Variants in RBM33 observed in about 807,000 individuals in gnomAD.
RBM33 encodes RNA-binding protein 33.
In RBM33, 28 loss-of-function variants were observed where a neutral mutation model predicts 132.6. The observed-to-expected ratio is 0.21, with a 90% CI of 0.16 to 0.29. The LOEUF (loss-of-function observed/expected upper bound fraction) is 0.29, where lower values mean the gene tolerates loss of function less well. Ranked by LOEUF, RBM33 falls within the 10% of genes least tolerant of loss-of-function variation. RBM33 has a pLI of 1.00. For missense variants in RBM33, 1,291 were observed against 1,518.5 expected (o/e 0.85, Z 2.49); for synonymous variants, 634 against 593.0 (o/e 1.07, Z -1.01).
rs1252425675 is a variant in RBM33, at chr7:155,693,873, G to A, written c.568-6900G>A. 3.3e-5 allele frequency among the ~76,000 whole-genome samples: 5 copies of A among 152,266 alleles called. No individual in the cohort carries two copies. The East Asian group carries it at 9.6e-4, about 29-fold the overall frequency. On this transcript the variant is annotated intron_variant, in intron 5 of 17. Transcript: ENST00000401878. Reference sequence around the variant, plus strand: ...TAGGATTTGGTTTTGGAGGGCTTGTGATCCATCTTTTTTAGAAGTCTAAAT... The same window carrying A: ...TAGGATTTGGTTTTGGAGGGCTTGTAATCCATCTTTTTTAGAAGTCTAAAT...
chr7:155,692,701 T>C (rs996465131), intron 5 of RBM33, among the ~76,000 whole-genome samples: 1 of 152,214 alleles, frequency 6.6e-6, no homozygotes, highest in Non-Finnish European at 1.5e-5. Context: ...CGTGAAATGG[T>C]GGCCAACTAA....
At chr7:155,716,249 G>A (rs1197790493) in intron 8 of RBM33, among the ~76,000 whole-genome samples, 1 of 149,634 alleles carries the variant, frequency 6.7e-6, no homozygotes, top group Non-Finnish European at 1.5e-5. Context: ...TGTCTGCACT[G>A]TTCCCATGGG....
intron 1 of RBM33, among the ~76,000 whole-genome samples, chr7:155,648,311 C>CT (rs757254123): frequency 2.0e-4 from 31 of 152,156 alleles, no homozygotes; most frequent in Non-Finnish European, 3.8e-4. Flanking sequence ...AAACCAGTTG[C>CT]TTTAATTTAC....
chr7:155,731,632 A>G (rs1226985810), intron 9 of RBM33, among the ~76,000 whole-genome samples: 1 of 152,122 alleles, frequency 6.6e-6, no homozygotes. Context: ...GCAGGATGCC[A>G]AGAGATTTCA....
chr7:155,692,981 A>G (rs1348510199), intron 5 of RBM33, among the ~76,000 whole-genome samples: 1 of 152,344 alleles, frequency 6.6e-6, no homozygotes, highest in South Asian at 2.1e-4. Flanking sequence ...TGACTTGGAA[A>G]GGTGCTCGTG....
intron 1 of RBM33, among the ~76,000 whole-genome samples, chr7:155,664,187 A>G (rs547590943): frequency 6.6e-6 from 1 of 152,316 alleles, no homozygotes; most frequent in African/African-American, 2.4e-5. Context: ...GAAAAAATGT[A>G]AAATATGCTG....
rs182514902 is a variant in RBM33, at chr7:155,681,686, G to A, written c.567+778G>A. On this transcript the variant is annotated intron_variant, in intron 5 of 17. Transcript: ENST00000401878. ...CTATGGGGGCCGAGTGAATGGGGCT[G>A]TTGGGATGGTGACAGAAGTATGCAA... is the stretch of plus-strand genomic sequence containing the variant. Among the ~76,000 whole-genome samples the A allele has an allele frequency of 4.0e-3, 603 of 152,242 alleles. 2 individuals carry two copies. The highest frequency in any genetic ancestry group is 6.8e-3 in the Admixed American group (104 of 15,294).
In RBM33 at chr7:155,661,083, C is replaced by CTG. The variant is rs142134390; in HGVS notation, c.44-4079_44-4078dup. ...TCTATTTGGTTTTTAAAAATAATTTCTGTGTGTGTGTGTGGTGTGTGTGTG... is the reference window on the plus strand; with the variant it reads ...TCTATTTGGTTTTTAAAAATAATTTCTGTGTGTGTGTGTGTGGTGTGTGTGTG... On this transcript the variant is annotated intron_variant, in intron 1 of 17. Transcript: ENST00000401878. Among the ~76,000 whole-genome samples the CTG allele has an allele frequency of 2.3e-5, 3 of 132,384 alleles. No homozygotes were observed. The East Asian group carries it at 6.6e-4, about 29-fold the overall frequency. The allele number at this position is 132,384 out of a possible 152,430, so 86.8% of individuals were successfully genotyped here. A position where few individuals can be genotyped will look rare whatever the true frequency, so the allele number is the denominator to read the frequency against.
intron 1 of RBM33, among the ~76,000 whole-genome samples, chr7:155,660,720 C>T (rs1413713589): frequency 2.0e-5 from 3 of 152,102 alleles, no homozygotes; most frequent in Non-Finnish European, 4.4e-5. Context: ...GTTTGTAAAT[C>T]GTTGAGTTTA....
In RBM33 at chr7:155,673,766, G is replaced by GCACACACACACACA. The variant is rs776340484; in HGVS notation, c.171+852_171+853insACACACACACACAC. ...CACACGTGTATATACGCGCGCATGCGCGCACACACACACACACACACACAC... is the reference window on the plus strand; with the variant it reads ...CACACGTGTATATACGCGCGCATGCGCACACACACACACACGCACACACACACACACACACACAC... On this transcript the variant is annotated intron_variant, in intron 3 of 17. Coordinates refer to ENST00000401878, the MANE Select transcript of RBM33 (RefSeq NM_053043.3). Among the ~76,000 whole-genome samples, 10 of 120,304 alleles carry GCACACACACACACA rather than the reference G, an allele frequency of 8.3e-5. No homozygotes were observed. In the East Asian group the frequency reaches 9.3e-4, roughly 11 times the overall value. 78.9% of individuals were successfully genotyped at this position (120,304 alleles called of 152,430 possible).
chr7:155,711,094 A>G (rs1161844688), intron 7 of RBM33, 109 bp from the exon 8 acceptor site: 93 of 1,371,054 alleles, frequency 6.8e-5, no homozygotes, highest in Admixed American at 1.1e-4. Flanking sequence ...AAATGCAATC[A>G]GTGTAAATTT....
chr7:155,695,053 A>C (rs1421429494), intron 5 of RBM33, among the ~76,000 whole-genome samples: 1 of 152,128 alleles, frequency 6.6e-6, no homozygotes, highest in Non-Finnish European at 1.5e-5. Context: ...CTCATCATTT[A>C]ATGTTGCCAA....
chr7:155,737,268 T>TTACAA (rs757040039), intron 9 of RBM33, among the ~76,000 whole-genome samples: 9 of 139,036 alleles, frequency 6.5e-5, no homozygotes, highest in Non-Finnish European at 1.4e-4. Flanking sequence ...GTGTGTGTGA[T>TTACAA]TACAATACAC....
rs866536440 is a variant in RBM33 at position 155,673,559 on chromosome 7, T to C, written c.171+644T>C. ...ATATACATACACACGTGTATATATA[T>C]ACACACATATACATACACACGTGTA... On this transcript the variant is annotated intron_variant, in intron 3 of 17. Transcript: ENST00000401878. Among the ~76,000 whole-genome samples, 63 of 85,440 alleles carry C rather than the reference T, an allele frequency of 7.4e-4. 6 individuals carry two copies. In the South Asian group the frequency reaches 0.011, roughly 15 times the overall value. 56.1% of individuals were successfully genotyped at this position (85,440 alleles called of 152,430 possible).
intron 14 of RBM33, among the ~76,000 whole-genome samples, chr7:155,758,298 C>T (rs1295415741): frequency 6.6e-6 from 1 of 152,162 alleles, no homozygotes; most frequent in African/African-American, 2.4e-5. Context: ...TGCTATATAA[C>T]AGGGTCCCCA....
In RBM33 at chr7:155,665,143, G is replaced by A. The variant is rs773509253; in HGVS notation, c.44-32G>A. The A allele has an allele frequency of 3.3e-5, 53 of 1,596,434 alleles. No individual in the cohort carries two copies. In the South Asian group the frequency reaches 5.7e-4, roughly 17 times the overall value. ...TTTGCATTGTGTCTATTTTAACTTA[G>A]TAAAACTGACTTCAATGGACTGTTC... On this transcript the variant is annotated intron_variant, in intron 1 of 17. Coordinates refer to ENST00000401878, the MANE Select transcript of RBM33 (RefSeq NM_053043.3).
chr7:155,766,663 C>A lies in RBM33; in HGVS notation c.3375+8C>A. 6.2e-7 allele frequency: 1 copy of A among 1,606,158 alleles called. No homozygotes were observed. Among genetic ancestry groups the A allele is most frequent in the Non-Finnish European group, 8.5e-7 (1 of 1,176,406 alleles). Reference sequence around the variant, plus strand: ...TCAGTGGGACCCATTCAGGTAGCCGCCTGGGGGTGGCATCTGTGCCACGGG... The same window carrying A: ...TCAGTGGGACCCATTCAGGTAGCCGACTGGGGGTGGCATCTGTGCCACGGG... On this transcript the variant is annotated splice_region_variant and intron_variant, in intron 16 of 17. Coordinates refer to ENST00000401878, the MANE Select transcript of RBM33 (RefSeq NM_053043.3).
chr7:155,653,357 T>C (rs1563127922), intron 1 of RBM33, among the ~76,000 whole-genome samples: 2 of 152,138 alleles, frequency 1.3e-5, no homozygotes, highest in Non-Finnish European at 2.9e-5. Context: ...CATGCCCTTT[T>C]GGGGGATGCT....
intron 7 of RBM33, chr7:155,707,522 A>C (rs10279009): frequency 0.31 from 100,194 of 320,660 alleles, 16,973 homozygotes; most frequent in Admixed American, 0.46. Flanking sequence ...AGAATTATTA[A>C]CATGTCCTCC....
Sources: allele counts gnomAD v4.1 joint callset (sites outside exome capture counted in the v4.1 genomes callset), GRCh38; gene constraint gnomAD v4.1.1; transcripts MANE v1.5; gene names NCBI Gene and HGNC (gene_info 2026-07-23, HGNC 2026-07-21).